RCAN2: variants seen among roughly 807,000 people sequenced by gnomAD.
RCAN2 encodes regulator of calcineurin 2.
Under a neutral mutation model 23.6 loss-of-function variants are expected in RCAN2, and 9 were observed. That is an observed-to-expected ratio of 0.38 (90% CI 0.23 to 0.67). The LOEUF is 0.67. Among genes scored for constraint, RCAN2 ranks in the 30% least tolerant of loss-of-function variants. The pLI is 0.51. For synonymous variants in RCAN2, 109 were observed against 115.7 expected, an observed-to-expected ratio of 0.94 and a Z score of 0.37; for missense variants, 273 against 302.3, an observed-to-expected ratio of 0.90 and a Z score of 0.72.
intron 1 of RCAN2, among the ~76,000 whole-genome samples, chr6:46,457,711 C>T (rs1267622778): frequency 6.6e-6 from 1 of 152,184 alleles, no homozygotes; most frequent in Non-Finnish European, 1.5e-5. Flanking sequence ...GAGATAATTA[C>T]TTCAAGTCAT....
intron 2 of RCAN2, among the ~76,000 whole-genome samples, chr6:46,303,526 T>C (rs1308844662): frequency 6.6e-6 from 1 of 152,094 alleles, no homozygotes; most frequent in Non-Finnish European, 1.5e-5. Context: ...TCACCAATTT[T>C]ATGTTCTCAA....
chr6:46,238,400 T>C (rs1425450027), intron 4 of RCAN2, among the ~76,000 whole-genome samples: 1 of 152,208 alleles, frequency 6.6e-6, no homozygotes, highest in Non-Finnish European at 1.5e-5. Context: ...GAAATGGATT[T>C]TTTTTTGTCA....
intron 1 of RCAN2, among the ~76,000 whole-genome samples, chr6:46,463,584 A>G (rs1768283640): frequency 6.6e-6 from 1 of 152,230 alleles, no homozygotes; most frequent in South Asian, 2.1e-4. Flanking sequence ...TTATCTTACC[A>G]TGATTGGAAA....
At position 46,325,911 on chromosome 6, in the gene RCAN2, G is replaced by A. The variant is rs376443792; in HGVS notation, c.226-77015C>T. 7 of 984,112 alleles carry A rather than the reference G, an allele frequency of 7.1e-6. No individual in the cohort carries two copies. The East Asian group carries it at 8.0e-4, about 112-fold the overall frequency. The allele number at this position is 984,112 out of a possible 1,614,324, so 61.0% of individuals were successfully genotyped here. On this transcript the variant is annotated intron_variant, in intron 2 of 4. Transcript: ENST00000371374. Reference sequence around the variant, plus strand: ...GCAAAAAGCAGGAGGGGGTGAATCTGACACCAGAGTTTCTTCTTTGAGGTG... The same window carrying A: ...GCAAAAAGCAGGAGGGGGTGAATCTAACACCAGAGTTTCTTCTTTGAGGTG...
At chr6:46,413,138 T>C (rs1193039230) in intron 2 of RCAN2, among the ~76,000 whole-genome samples, 2 of 152,174 alleles carry the variant, frequency 1.3e-5, no homozygotes, top group Non-Finnish European at 2.9e-5. Flanking sequence ...CCCACAGGAA[T>C]TCTTAAGTAG....
intron 1 of RCAN2, among the ~76,000 whole-genome samples, chr6:46,473,523 C>T (rs1198365506): frequency 2.0e-5 from 3 of 152,096 alleles, no homozygotes; most frequent in Non-Finnish European, 2.9e-5. Flanking sequence ...AGACTAGAGT[C>T]TTTCATTACC....
chr6:46,436,467 G>C (rs1767368949), intron 2 of RCAN2, among the ~76,000 whole-genome samples: 1 of 152,176 alleles, frequency 6.6e-6, no homozygotes, highest in South Asian at 2.1e-4. Context: ...CACCTGCCTT[G>C]GCCTCCCAAA....
intron 2 of RCAN2, among the ~76,000 whole-genome samples, chr6:46,259,536 C>T (rs773172819): frequency 3.3e-5 from 5 of 152,306 alleles, no homozygotes; most frequent in African/African-American, 4.8e-5. Flanking sequence ...TTTTTCTATA[C>T]TCTCACATTA....
chr6:46,429,519 G>A (rs921657091), intron 2 of RCAN2, among the ~76,000 whole-genome samples: 2 of 152,264 alleles, frequency 1.3e-5, no homozygotes, highest in Admixed American at 6.5e-5. Flanking sequence ...ATATTATCTT[G>A]AGAGTTATCA....
At chr6:46,355,823 A>C (rs1741715669) in intron 2 of RCAN2, among the ~76,000 whole-genome samples, 1 of 152,204 alleles carries the variant, frequency 6.6e-6, no homozygotes, top group Non-Finnish European at 1.5e-5. Flanking sequence ...CCACCCTAAG[A>C]AAGTCCTCTG....
chr6:46,306,346 CT>C (rs1763066406), intron 2 of RCAN2, among the ~76,000 whole-genome samples: 1 of 152,180 alleles, frequency 6.6e-6, no homozygotes, highest in African/African-American at 2.4e-5. Flanking sequence ...CCCACCAGCA[CT>C]TCTAGACCAA....
intron 1 of RCAN2, among the ~76,000 whole-genome samples, chr6:46,465,885 G>A (rs964143253): frequency 6.6e-6 from 1 of 152,214 alleles, no homozygotes; most frequent in African/African-American, 2.4e-5. Context: ...AATTTCAATA[G>A]CACTTTAAAT....
At chr6:46,462,317 G>C (rs965640353) in intron 1 of RCAN2, among the ~76,000 whole-genome samples, 6 of 152,156 alleles carry the variant, frequency 3.9e-5, no homozygotes, top group African/African-American at 9.7e-5. Context: ...CAAGATGACA[G>C]TTTATTTAAA....
At chr6:46,283,487 C>G (rs1442226) in intron 2 of RCAN2, among the ~76,000 whole-genome samples, 119,789 of 152,080 alleles carry the variant, frequency 0.79, 47,487 homozygotes, top group Non-Finnish European at 0.83. Flanking sequence ...ATCTGGTACA[C>G]ACATACCAAT....
At chr6:46,356,878 C>T (rs546634133) in intron 2 of RCAN2, among the ~76,000 whole-genome samples, 3 of 152,224 alleles carry the variant, frequency 2.0e-5, no homozygotes, top group African/African-American at 4.8e-5. Flanking sequence ...ATAAGAAAAG[C>T]GAAGTTCCAA....
intron 2 of RCAN2, among the ~76,000 whole-genome samples, chr6:46,387,372 C>T (rs1167545490): frequency 2.0e-5 from 3 of 152,134 alleles, no homozygotes; most frequent in East Asian, 3.8e-4. Context: ...GGGCTAATAT[C>T]CAGAATCTAC....
At chr6:46,446,250 AAG>A (rs1165324173) in intron 2 of RCAN2, among the ~76,000 whole-genome samples, 8 of 147,726 alleles carry the variant, frequency 5.4e-5, no homozygotes, top group African/African-American at 2.0e-4. Flanking sequence ...TACAGGGCAG[AAG>A]AGAGTGGGAT....
chr6:46,353,352 T>A (rs1867015), intron 2 of RCAN2, among the ~76,000 whole-genome samples: 1 of 151,686 alleles, frequency 6.6e-6, no homozygotes, highest in African/African-American at 2.4e-5. Context: ...TTTTTGGGTG[T>A]GGGGGAGGAG....
At chr6:46,247,239 A>T (rs534774474) in intron 3 of RCAN2, among the ~76,000 whole-genome samples, 1 of 152,272 alleles carries the variant, frequency 6.6e-6, no homozygotes, top group East Asian at 1.9e-4. Context: ...ATAGATCCCC[A>T]GGCTATGCTG....
Sources: allele counts gnomAD v4.1 joint callset (sites outside exome capture counted in the v4.1 genomes callset), GRCh38; gene constraint gnomAD v4.1.1; transcripts MANE v1.5; gene names NCBI Gene and HGNC (gene_info 2026-07-23, HGNC 2026-07-21).